Variants in NELL2 observed in about 807,000 individuals in gnomAD.
The protein encoded by NELL2 is neural EGFL like 2.
NELL2 carries 41 observed loss-of-function variants against 109.6 expected under a neutral mutation model. The ratio of observed to expected loss-of-function variants is 0.37; its 90% CI spans 0.29 to 0.49. NELL2 has a LOEUF of 0.49. NELL2 is among the 20% of genes least tolerant of loss of function. NELL2 has a pLI of 0.98. For missense variants in NELL2, 900 were observed against 1,008.3 expected (o/e 0.89, Z 1.45); for synonymous variants, 355 against 344.7 (o/e 1.03, Z -0.33).
chr12:44,657,416 T>C (rs1190363436), intron 13 of NELL2, among the ~76,000 whole-genome samples: 1 of 152,186 alleles, frequency 6.6e-6, no homozygotes, highest in Non-Finnish European at 1.5e-5. Context: ...AGCCGTTTAT[T>C]CCACTACCAT....
intron 12 of NELL2, 141 bp from the exon 13 acceptor site, chr12:44,665,750 G>A: frequency 1.0e-6 from 1 of 982,816 alleles, no homozygotes; most frequent in South Asian, 2.8e-5. Flanking sequence ...CCTTTGCTAG[G>A]AGTGTTTAAT....
intron 2 of NELL2, among the ~76,000 whole-genome samples, chr12:44,852,828 A>T (rs950451805): frequency 2.0e-5 from 3 of 152,102 alleles, no homozygotes; most frequent in Admixed American, 1.3e-4. Context: ...AAATTGCACA[A>T]TTTTCCTGGA....
chr12:44,714,677 A>C lies in NELL2; in HGVS notation c.1059T>G (p.Ser353=). The change falls in exon 10 of 20, where the codon TCT becomes TCG. Residue 353 remains serine (S), a synonymous_variant. Coordinates refer to ENST00000429094, the MANE Select transcript of NELL2 (RefSeq NM_001145108.2). The part of the protein sequence containing the change: ...EGERNTVYSS[S]GVCVLYECKD... Reference sequence around the variant, plus strand: ...TGCACTCATAGAGAACACATACTCCAGAAGAGGAATAGACTGTATTTCTTT... The same window carrying C: ...TGCACTCATAGAGAACACATACTCCCGAAGAGGAATAGACTGTATTTCTTT... 6.2e-7 allele frequency: 1 copy of C among 1,601,300 alleles called. No individual in the cohort carries two copies. Among genetic ancestry groups the C allele is most frequent in the African/African-American group, 1.3e-5 (1 of 74,390 alleles).
chr12:44,908,583 G>A (rs1330099926), intron 1 of NELL2, among the ~76,000 whole-genome samples: 1 of 151,886 alleles, frequency 6.6e-6, no homozygotes, highest in Non-Finnish European at 1.5e-5. Context: ...GGCTACAGTA[G>A]TAGCAAGATC....
intron 9 of NELL2, among the ~76,000 whole-genome samples, chr12:44,720,289 A>C (rs1194418752): frequency 1.3e-5 from 2 of 152,126 alleles, no homozygotes; most frequent in African/African-American, 4.8e-5. Flanking sequence ...TATACTCTCA[A>C]GGTTTGTTAA....
chr12:44,709,334 G>A (rs1415213844), intron 11 of NELL2, among the ~76,000 whole-genome samples: 1 of 152,136 alleles, frequency 6.6e-6, no homozygotes, highest in Non-Finnish European at 1.5e-5. Flanking sequence ...TGATTACCCT[G>A]CTGGAGAGAC....
At chr12:44,917,909 C>T (rs1241123637), upstream of NELL2, among the ~76,000 whole-genome samples, 7 of 152,182 alleles carry the variant, frequency 4.6e-5, no homozygotes, top group South Asian at 2.1e-4. Flanking sequence ...CAGGGCTCTC[C>T]GCCATATAGC....
chr12:44,621,041 C>T (rs1946037619), intron 13 of NELL2, among the ~76,000 whole-genome samples: 1 of 152,152 alleles, frequency 6.6e-6, no homozygotes, highest in Admixed American at 6.6e-5. Context: ...CATCATGGCC[C>T]TCTGCTTTTA....
chr12:44,767,595 C>A (rs138694123), intron 9 of NELL2, among the ~76,000 whole-genome samples: 27 of 152,220 alleles, frequency 1.8e-4, no homozygotes, highest in African/African-American at 6.3e-4. Flanking sequence ...AATATTATTT[C>A]TCATAACAAA....
intron 12 of NELL2, among the ~76,000 whole-genome samples, chr12:44,689,069 C>T (rs1009380719): frequency 6.6e-6 from 1 of 152,182 alleles, no homozygotes; most frequent in Non-Finnish European, 1.5e-5. Flanking sequence ...GCTAATAAAT[C>T]TGAGGTTGCC....
intron 12 of NELL2, among the ~76,000 whole-genome samples, chr12:44,693,227 ACT>A: frequency 6.6e-6 from 1 of 152,170 alleles, no homozygotes; most frequent in East Asian, 1.9e-4. Context: ...TATTATTATG[ACT>A]CTCTGAAGGC....
chr12:44,907,956 A>G (rs1377501110), intron 1 of NELL2, among the ~76,000 whole-genome samples: 3 of 152,080 alleles, frequency 2.0e-5, no homozygotes, highest in Non-Finnish European at 2.9e-5. Context: ...GCAGAAGGTC[A>G]TTAAATGTGG....
intron 2 of NELL2, among the ~76,000 whole-genome samples, chr12:44,845,972 A>G (rs947101202): frequency 6.6e-6 from 1 of 152,218 alleles, no homozygotes; most frequent in African/African-American, 2.4e-5. Flanking sequence ...TTTAGATTAG[A>G]AAATGGCCTT....
chr12:44,684,077 T>A (rs1401417543), intron 12 of NELL2, among the ~76,000 whole-genome samples: 2 of 152,230 alleles, frequency 1.3e-5, no homozygotes, highest in African/African-American at 4.8e-5. Context: ...AAGCTATTGA[T>A]TATTGCCACA....
At chr12:44,826,630 T>A (rs890265831) in intron 2 of NELL2, among the ~76,000 whole-genome samples, 9 of 152,186 alleles carry the variant, frequency 5.9e-5, no homozygotes, top group Non-Finnish European at 8.8e-5. Flanking sequence ...TCTATAATAA[T>A]AGAAATTGCT....
chr12:44,719,590 A>G (rs1044010378), intron 9 of NELL2, among the ~76,000 whole-genome samples: 3 of 152,212 alleles, frequency 2.0e-5, no homozygotes, highest in Admixed American at 2.0e-4. Flanking sequence ...AACACCAAAA[A>G]GAAAGCCAGT....
chr12:44,808,026 A>AGGAT (rs1943059876), intron 3 of NELL2, among the ~76,000 whole-genome samples: 1 of 152,076 alleles, frequency 6.6e-6, no homozygotes, highest in Non-Finnish European at 1.5e-5. Context: ...TGGTCAGAAT[A>AGGAT]GGATGGTTGC....
chr12:44,876,551 G>C, upstream of NELL2: 1 of 1,459,112 alleles, frequency 6.9e-7, no homozygotes, highest in Admixed American at 2.4e-5. Flanking sequence ...ACCTCCTTTC[G>C]GGATTGAAAG....
At chr12:44,557,002 G>C in intron 15 of NELL2, among the ~76,000 whole-genome samples, 1 of 152,176 alleles carries the variant, frequency 6.6e-6, no homozygotes, top group South Asian at 2.1e-4. Flanking sequence ...TATCCTGAAA[G>C]CAATGTGGAG....
Sources: allele counts gnomAD v4.1 joint callset (sites outside exome capture counted in the v4.1 genomes callset), GRCh38; gene constraint gnomAD v4.1.1; transcripts MANE v1.5; gene names NCBI Gene and HGNC (gene_info 2026-07-23, HGNC 2026-07-21).